Variants in ANKS1B observed in about 807,000 individuals in gnomAD.
The protein encoded by ANKS1B is ankyrin repeat and sterile alpha motif domain containing 1B.
A neutral mutation model predicts 148.3 loss-of-function variants in ANKS1B; 36 were observed. The observed-to-expected ratio is 0.24, with a 90% CI of 0.19 to 0.32. ANKS1B has a LOEUF of 0.32. Among genes scored for constraint, ANKS1B ranks in the 10% least tolerant of loss-of-function variants. The pLI, the probability that ANKS1B is intolerant of heterozygous loss-of-function variation, is 1.00. For synonymous variants in ANKS1B, 542 were observed against 560.8 expected, an observed-to-expected ratio of 0.97 and a Z score of 0.47; for missense variants, 1,157 against 1,542.6, an observed-to-expected ratio of 0.75 and a Z score of 4.19.
chr12:99,648,127 G>A (rs1466424296), intron 9 of ANKS1B: 2 of 1,573,816 alleles, frequency 1.3e-6, no homozygotes, highest in Non-Finnish European at 1.7e-6. Flanking sequence ...AGCATGTTAA[G>A]GAAGGTGTGG....
chr12:99,903,290 C>G (rs2153774012), intron 1 of ANKS1B, among the ~76,000 whole-genome samples: 1 of 152,300 alleles, frequency 6.6e-6, no homozygotes, highest in Non-Finnish European at 1.5e-5. Flanking sequence ...ATCACACTCT[C>G]TTAGCTGTGG....
intron 1 of ANKS1B, among the ~76,000 whole-genome samples, chr12:99,872,704 G>T (rs1350624184): frequency 6.6e-6 from 1 of 152,046 alleles, no homozygotes; most frequent in Admixed American, 6.6e-5. Context: ...ACAGATCCCA[G>T]ATTAGAAATT....
chr12:99,530,305 C>T (rs2096974977), intron 9 of ANKS1B, among the ~76,000 whole-genome samples: 1 of 152,200 alleles, frequency 6.6e-6, no homozygotes, highest in Non-Finnish European at 1.5e-5. Flanking sequence ...AGACTGGCAT[C>T]AGGTCTCCCA....
At chr12:98,900,630 G>A (rs529211728) in intron 17 of ANKS1B, among the ~76,000 whole-genome samples, 1 of 152,320 alleles carries the variant, frequency 6.6e-6, no homozygotes, top group Admixed American at 6.5e-5. Context: ...ATAATTTAGA[G>A]TGAATCTTAG....
chr12:99,535,472 A>C (rs1027300115), intron 9 of ANKS1B, among the ~76,000 whole-genome samples: 1 of 152,240 alleles, frequency 6.6e-6, no homozygotes, highest in African/African-American at 2.4e-5. Flanking sequence ...ATCTTTGAAC[A>C]CAATTATTCT....
chr12:99,504,438 T>A, intron 10 of ANKS1B, 38 bp downstream of exon 10: 1 of 1,588,494 alleles, frequency 6.3e-7, no homozygotes, highest in South Asian at 1.2e-5. Flanking sequence ...AATAAGCAAG[T>A]AAATTGAATC....
intron 25 of ANKS1B, among the ~76,000 whole-genome samples, chr12:98,758,999 T>G (rs1176671519): frequency 2.0e-5 from 3 of 150,992 alleles, no homozygotes; most frequent in Admixed American, 6.6e-5. Flanking sequence ...CAGGCTGGTC[T>G]CGAGCTCCTG....
chr12:98,759,029 C>T lies in ANKS1B; in HGVS notation c.3580-7507G>A, dbSNP rs552057599. Among the ~76,000 whole-genome samples the T allele has an allele frequency of 6.9e-4, 104 of 150,026 alleles. 1 individual carries two copies. Among genetic ancestry groups the T allele is most frequent in the African/African-American group, 2.3e-3 (96 of 41,274 alleles). On this transcript the variant is annotated intron_variant, in intron 25 of 26. Coordinates refer to ENST00000683438, the MANE Select transcript of ANKS1B (RefSeq NM_001352186.2). ...CTCCTGGCCTCAAGTGATCCTCCTG[C>T]CTGGGCCTCCCAAAGTGCTAGAATT...
chr12:99,408,239 A>G (rs2152651793), intron 11 of ANKS1B, among the ~76,000 whole-genome samples: 1 of 146,098 alleles, frequency 6.8e-6, no homozygotes, highest in South Asian at 2.1e-4. Flanking sequence ...TCAAGAACAT[A>G]CACAAGGTTA....
At chr12:99,354,189 A>G (rs996241101) in intron 12 of ANKS1B, among the ~76,000 whole-genome samples, 8 of 152,082 alleles carry the variant, frequency 5.3e-5, no homozygotes, top group Admixed American at 3.3e-4. Flanking sequence ...CTTTAGTTAT[A>G]TATCACTGGG....
In ANKS1B at chr12:99,912,706, T is replaced by C. The variant is rs958468334; in HGVS notation, c.134+71398A>G. ...TTACTTTGAGTGTTAAGGCTATCTGTATATTCAAATTTTCCAGACTATTAT... is the reference window on the plus strand; with the variant it reads ...TTACTTTGAGTGTTAAGGCTATCTGCATATTCAAATTTTCCAGACTATTAT... On this transcript the variant is annotated intron_variant, in intron 1 of 26. Transcript: ENST00000683438. Among the ~76,000 whole-genome samples the C allele has an allele frequency of 1.2e-4, 19 of 152,136 alleles. 1 individual carries two copies.
intron 1 of ANKS1B, among the ~76,000 whole-genome samples, chr12:99,873,733 T>C (rs1003175999): frequency 2.6e-5 from 4 of 152,146 alleles, no homozygotes; most frequent in African/African-American, 7.2e-5. Flanking sequence ...AAAGATTCCA[T>C]GATGGCAATT....
intron 9 of ANKS1B, among the ~76,000 whole-genome samples, chr12:99,564,646 A>C (rs1209356639): frequency 6.6e-6 from 1 of 152,128 alleles, no homozygotes; most frequent in African/African-American, 2.4e-5. Context: ...TAATAATGAC[A>C]CATTTTGCTT....
chr12:98,887,406 C>T (rs1311330636), intron 17 of ANKS1B, among the ~76,000 whole-genome samples: 32 of 152,178 alleles, frequency 2.1e-4, no homozygotes, highest in Non-Finnish European at 7.4e-5. Flanking sequence ...TGTAAAAATA[C>T]TCCATTTTCT....
At chr12:98,839,052 G>C (rs2099390996) in intron 17 of ANKS1B, among the ~76,000 whole-genome samples, 2 of 152,108 alleles carry the variant, frequency 1.3e-5, no homozygotes, top group African/African-American at 2.4e-5. Context: ...CTTATTTCTT[G>C]AACTGCAATA....
intron 17 of ANKS1B, among the ~76,000 whole-genome samples, chr12:98,987,151 CAAGT>C (rs2153251641): frequency 6.6e-6 from 1 of 151,368 alleles, no homozygotes; most frequent in East Asian, 1.9e-4. Context: ...GTTTTTGTGT[CAAGT>C]AAACATTCAG....
intron 12 of ANKS1B, among the ~76,000 whole-genome samples, chr12:99,267,048 G>T (rs535617965): frequency 6.6e-6 from 1 of 152,218 alleles, no homozygotes; most frequent in South Asian, 2.1e-4. Context: ...GGAACAAATA[G>T]GCACCTTGAT....
At chr12:99,468,596 C>A (rs926206371) in intron 10 of ANKS1B, among the ~76,000 whole-genome samples, 301 of 151,824 alleles carry the variant, frequency 2.0e-3, no homozygotes, top group African/African-American at 2.1e-3. Context: ...TTTACAAGAA[C>A]AAAACAAACA....
chr12:99,409,601 AAT>A lies in ANKS1B; in HGVS notation c.1576-9792_1576-9791del, dbSNP rs199507073. The stretch of plus-strand genomic sequence containing the variant: ...TTATTACACTGCATGCCTGTGTCAA[AAT>A]ATCTCATATACTCTACAAATATATA... On this transcript the variant is annotated intron_variant, in intron 11 of 26. Coordinates refer to ENST00000683438, the MANE Select transcript of ANKS1B (RefSeq NM_001352186.2). Among the ~76,000 whole-genome samples the A allele has an allele frequency of 4.1e-4, 63 of 152,290 alleles. No homozygotes were observed. In the East Asian group the frequency reaches 0.012, roughly 28 times the overall value.
Sources: gnomAD v4.1 joint callset for allele counts (sites outside exome capture counted in the v4.1 genomes callset) on GRCh38, gnomAD v4.1.1 for gene constraint, MANE v1.5 for transcripts, NCBI Gene and HGNC (gene_info 2026-07-23, HGNC 2026-07-21) for gene names.